BABAM2: variants seen among roughly 807,000 people sequenced by gnomAD.
BABAM2 encodes BRISC and BRCA1-A complex member 2.
A neutral mutation model predicts 54.7 loss-of-function variants in BABAM2; 31 were observed. The observed-to-expected ratio is 0.57, with a 90% CI of 0.43 to 0.77. The LOEUF is 0.77. Among genes scored for constraint, BABAM2 ranks in the 30% least tolerant of loss-of-function variants. The probability of loss-of-function intolerance (pLI) is 0.00; values close to 1 mark genes in which losing one functional copy is unlikely to be tolerated. For missense variants in BABAM2, 364 were observed against 455.8 expected, an observed-to-expected ratio of 0.80 and a Z score of 1.83; for synonymous variants, 167 against 162.9, an observed-to-expected ratio of 1.03 and a Z score of -0.19.
At chr2:28,268,067 G>C (rs986023549) in intron 10 of BABAM2, among the ~76,000 whole-genome samples, 11 of 152,228 alleles carry the variant, frequency 7.2e-5, no homozygotes, top group Non-Finnish European at 1.3e-4. Context: ...AGTTCCAGGA[G>C]ACACACGATA....
In BABAM2 at chr2:28,329,112, T is replaced by C. The variant is rs181444598; in HGVS notation, c.1089-9338T>C. 1.8e-3 allele frequency among the ~76,000 whole-genome samples: 276 copies of C among 152,330 alleles called. No homozygotes were observed. Among genetic ancestry groups the C allele is most frequent in the Middle Eastern group, 3.4e-3 (1 of 294 alleles). On this transcript the variant is annotated intron_variant, in intron 11 of 11. Transcript: ENST00000379624. The surrounding 1 kb of genome is among the most constrained non-coding windows in gnomAD (Gnocchi z 4.2). The stretch of plus-strand genomic sequence containing the variant: ...CTGATAGCTCCCTGTCTTAACTTTC[T>C]TCAGTCTCCTGATTTCCCCTTCTCT...
Position 28,131,079 on chromosome 2 carries a change from A to AT in BABAM2, c.680+1719dup, listed in dbSNP as rs34627329. Among the ~76,000 whole-genome samples the AT allele has an allele frequency of 4.9e-3, 29 of 5,950 alleles. 7 individuals carry two copies. The highest frequency in any genetic ancestry group is 0.037 in the South Asian group (2 of 54). The allele number at this position is 5,950 out of a possible 152,430, so 3.9% of individuals were successfully genotyped here. A position where few individuals can be genotyped will look rare whatever the true frequency, so the allele number is the denominator to read the frequency against. On this transcript the variant is annotated intron_variant, in intron 7 of 11. Coordinates refer to ENST00000379624, the MANE Select transcript of BABAM2 (RefSeq NM_199191.3). ...TATTATTATTATTATTATTATTATT[A>AT]TTTTTTTTTTTTTTTTTTTTGAGAC...
chr2:28,057,224 G>T (rs765916101), intron 6 of BABAM2, among the ~76,000 whole-genome samples: 1 of 152,144 alleles, frequency 6.6e-6, no homozygotes, highest in African/African-American at 2.4e-5. Flanking sequence ...TGTTTATTAA[G>T]ACTCTAAGCA....
intron 10 of BABAM2, among the ~76,000 whole-genome samples, chr2:28,252,403 T>C (rs1683581779): frequency 6.6e-6 from 1 of 152,210 alleles, no homozygotes; most frequent in Admixed American, 6.5e-5. Context: ...ATACTGAGAC[T>C]TCCTTGAAAG....
intron 10 of BABAM2, among the ~76,000 whole-genome samples, chr2:28,295,964 C>A (rs1687659017): frequency 6.6e-6 from 1 of 152,180 alleles, no homozygotes; most frequent in Middle Eastern, 3.4e-3. Context: ...AAAAAATTAG[C>A]CGAACGTGGT....
intron 5 of BABAM2, among the ~76,000 whole-genome samples, chr2:28,038,049 A>C (rs1487346350): frequency 6.6e-6 from 1 of 152,222 alleles, no homozygotes. Flanking sequence ...TTACAGATTC[A>C]AGAAGCTCAA....
intron 6 of BABAM2, among the ~76,000 whole-genome samples, chr2:28,062,687 G>C (rs1678994058): frequency 6.6e-6 from 1 of 151,952 alleles, no homozygotes; most frequent in African/African-American, 2.4e-5. Flanking sequence ...CATCAATGTA[G>C]AGTAAAGCTG....
chr2:27,983,407 C>T (rs970880520), intron 3 of BABAM2, among the ~76,000 whole-genome samples: 1 of 152,068 alleles, frequency 6.6e-6, no homozygotes, highest in African/African-American at 2.4e-5. Flanking sequence ...AGAACGCCTG[C>T]AAATTATTTT....
At chr2:28,327,922 C>G (rs1690617979) in intron 11 of BABAM2, among the ~76,000 whole-genome samples, 1 of 152,164 alleles carries the variant, frequency 6.6e-6, no homozygotes, top group Non-Finnish European at 1.5e-5. Context: ...GTACATGAAC[C>G]AGTTACAAGC....
intron 6 of BABAM2, among the ~76,000 whole-genome samples, chr2:28,050,935 G>A (rs1382133317): frequency 1.3e-5 from 2 of 152,152 alleles, no homozygotes; most frequent in Admixed American, 1.3e-4. Flanking sequence ...GAAATTTCCT[G>A]CAAGAGACTA....
intron 7 of BABAM2, among the ~76,000 whole-genome samples, chr2:28,150,685 A>G (rs1038694): frequency 0.72 from 110,215 of 152,036 alleles, 40,507 homozygotes; most frequent in Middle Eastern, 0.81. Context: ...CCGTGAGACT[A>G]GGGAAGAGCG....
At chr2:27,948,925 A>G (rs1215364962) in intron 3 of BABAM2, among the ~76,000 whole-genome samples, 2 of 152,094 alleles carry the variant, frequency 1.3e-5, no homozygotes, top group Non-Finnish European at 2.9e-5. Flanking sequence ...GTCCCCTTTT[A>G]TACCTAGTTA....
chr2:28,083,772 C>T lies in BABAM2; in HGVS notation c.570+37973C>T, dbSNP rs563253998. The stretch of plus-strand genomic sequence containing the variant: ...ATACTGACTCTTATCTTTGTCCCAG[C>T]GAGTGGCCATCTTTGATATAGATGA... On this transcript the variant is annotated intron_variant, in intron 6 of 11. Coordinates refer to ENST00000379624, the MANE Select transcript of BABAM2 (RefSeq NM_199191.3). 3.2e-4 allele frequency among the ~76,000 whole-genome samples: 48 copies of T among 152,128 alleles called. No homozygotes were observed. The East Asian group carries it at 8.5e-3, about 27-fold the overall frequency.
At chr2:28,309,946 C>T (rs1233434865) in intron 11 of BABAM2, 5 of 909,460 alleles carry the variant, frequency 5.5e-6, no homozygotes, top group Non-Finnish European at 6.9e-6. Context: ...CCCGTCCCTC[C>T]TGGGCCTTTT....
At chr2:28,025,200 T>C in intron 4 of BABAM2, 26 bp from the exon 5 acceptor site, 11 of 1,551,232 alleles carry the variant, frequency 7.1e-6, no homozygotes, top group Non-Finnish European at 9.5e-6. Flanking sequence ...TTTTAACTGG[T>C]CTTTTATTTG....
chr2:28,017,373 G>A (rs1298439779), intron 4 of BABAM2, among the ~76,000 whole-genome samples: 1 of 152,044 alleles, frequency 6.6e-6, no homozygotes, highest in African/African-American at 2.4e-5. Context: ...GATTTCCTAA[G>A]ACTTCCCATT....
At chr2:28,233,871 A>G (rs767980030) in intron 7 of BABAM2, among the ~76,000 whole-genome samples, 2 of 152,130 alleles carry the variant, frequency 1.3e-5, no homozygotes, top group Non-Finnish European at 2.9e-5. Context: ...GAACAAAATT[A>G]AGAGGAGTTC....
intron 7 of BABAM2, among the ~76,000 whole-genome samples, chr2:28,143,797 C>G (rs1671264998): frequency 6.6e-6 from 1 of 152,184 alleles, no homozygotes; most frequent in Non-Finnish European, 1.5e-5. Flanking sequence ...TCACAACAAC[C>G]CTATGAGGTT....
chr2:27,949,669 T>C (rs1390983731), intron 3 of BABAM2, among the ~76,000 whole-genome samples: 1 of 152,212 alleles, frequency 6.6e-6, no homozygotes, highest in Non-Finnish European at 1.5e-5. Context: ...AGATGTGATT[T>C]AAGTTTATCA....
Sources: gnomAD v4.1 joint callset for allele counts (sites outside exome capture counted in the v4.1 genomes callset) on GRCh38, gnomAD v4.1.1 for gene constraint, Gnocchi (gnomAD v3.1) non-coding constraint, MANE v1.5 for transcripts, NCBI Gene and HGNC (gene_info 2026-07-23, HGNC 2026-07-21) for gene names.